The following COL25A1 variants were observed in gnomAD, a reference collection of about 807,000 sequenced individuals.
COL25A1 encodes the protein collagen type XXV alpha 1 chain.
A neutral mutation model predicts 128.4 loss-of-function variants in COL25A1; 103 were observed. The observed-to-expected ratio is 0.80, with a 90% CI of 0.68 to 0.94. COL25A1 has a LOEUF of 0.94. Ranked by LOEUF, COL25A1 falls within the 40% of genes least tolerant of loss-of-function variation. The pLI is 0.00. For synonymous variants in COL25A1, 279 were observed against 277.2 expected (o/e 1.01, Z -0.06); for missense variants, 745 against 840.0 (o/e 0.89, Z 1.40).
In COL25A1 at chr4:109,112,676, T is replaced by A. The variant is rs1767139983; in HGVS notation, c.368-62497A>T. Among the ~76,000 whole-genome samples, 4 of 152,016 alleles carry A rather than the reference T, an allele frequency of 2.6e-5. No individual in the cohort carries two copies. In the South Asian group the frequency reaches 8.3e-4, roughly 32 times the overall value. On this transcript the variant is annotated intron_variant, in intron 3 of 37. Coordinates refer to ENST00000399132, the MANE Select transcript of COL25A1 (RefSeq NM_198721.4). ...AAAAAAGAAAGAAAAATGATAGTAGTCCCAAAGAAAGTAAATTTTATGTTT... is the reference window on the plus strand; with the variant it reads ...AAAAAAGAAAGAAAAATGATAGTAGACCCAAAGAAAGTAAATTTTATGTTT...
Position 108,859,682 on chromosome 4 carries a change from T to G in COL25A1, c.1294A>C (p.Asn432His), listed in dbSNP as rs1297567526. 6.2e-7 allele frequency: 1 copy of G among 1,613,720 alleles called. No homozygotes were observed. The highest frequency in any genetic ancestry group is 1.3e-5 in the African/African-American group (1 of 74,890). Reference protein sequence around the residue: ...DQGATEIIDYNGNLHEALQRI... With the variant: ...DQGATEIIDYHGNLHEALQRI... ...TGTAAGGCTTCGTGGAGGTTGCCGT[T>G]GTAGTCTATGATCTCAGTGGCTCCT... is the stretch of plus-strand genomic sequence containing the variant. The change falls in exon 24 of 38, where the codon AAC becomes CAC. Residue 432 changes from asparagine (N) to histidine (H), a missense_variant. Physicochemically the swap from Asn to His is moderately conservative, Grantham distance 68 (BLOSUM62 1). Transcript: ENST00000399132.
At chr4:109,047,771 T>G (rs1360626894) in intron 5 of COL25A1, among the ~76,000 whole-genome samples, 3 of 143,180 alleles carry the variant, frequency 2.1e-5, no homozygotes, top group Non-Finnish European at 4.5e-5. Flanking sequence ...CTCGCTCTTT[T>G]GCCCAGACTG....
At chr4:108,845,075 G>A in intron 29 of COL25A1, 114 bp downstream of exon 29, 1 of 876,256 alleles carries the variant, frequency 1.1e-6, no homozygotes, top group Non-Finnish European at 1.9e-6. Context: ...AAACCAAGAG[G>A]TTTGAGGTCT....
intron 3 of COL25A1, among the ~76,000 whole-genome samples, chr4:109,201,929 A>C (rs1416980197): frequency 6.6e-6 from 1 of 152,206 alleles, no homozygotes; most frequent in Non-Finnish European, 1.5e-5. Context: ...AAATATGTAC[A>C]AAGTCTGCAT....
intron 3 of COL25A1, among the ~76,000 whole-genome samples, chr4:109,077,888 G>C (rs1763516735): frequency 6.6e-6 from 1 of 152,336 alleles, no homozygotes; most frequent in African/African-American, 2.4e-5. Flanking sequence ...TTGGGTGACA[G>C]AAATGTTCAC....
At chr4:108,933,611 A>G (rs959775785) in intron 11 of COL25A1, among the ~76,000 whole-genome samples, 1 of 152,300 alleles carries the variant, frequency 6.6e-6, no homozygotes, top group African/African-American at 2.4e-5. Context: ...ATGCCAAGTT[A>G]TATCACTAGA....
intron 3 of COL25A1, among the ~76,000 whole-genome samples, chr4:109,127,090 G>A (rs1407965591): frequency 6.6e-6 from 1 of 152,116 alleles, no homozygotes; most frequent in Admixed American, 6.6e-5. Context: ...CATGGCTCAA[G>A]GATGTTAGTT....
chr4:109,174,803 AG>A (rs973461907), intron 3 of COL25A1, among the ~76,000 whole-genome samples: 1 of 152,224 alleles, frequency 6.6e-6, no homozygotes, highest in African/African-American at 2.4e-5. Context: ...CTTATAGACT[AG>A]GGGTCCTCAA....
intron 3 of COL25A1, among the ~76,000 whole-genome samples, chr4:109,283,674 T>C (rs559226310): frequency 6.6e-6 from 1 of 152,250 alleles, no homozygotes; most frequent in Non-Finnish European, 1.5e-5. Flanking sequence ...TGTCTGACAT[T>C]TGAGTTTGCC....
intron 5 of COL25A1, among the ~76,000 whole-genome samples, chr4:109,021,238 C>T (rs1399181776): frequency 2.6e-5 from 4 of 152,188 alleles, no homozygotes; most frequent in African/African-American, 9.7e-5. Context: ...TGAGATGAAA[C>T]TCAAGATAAC....
At chr4:108,896,754 C>A in intron 15 of COL25A1, 43 bp from the exon 16 acceptor site, 3 of 1,520,668 alleles carry the variant, frequency 2.0e-6, no homozygotes, top group South Asian at 2.3e-5. Context: ...ACATTGGTGA[C>A]GTCAAGCAGA....
intron 31 of COL25A1, among the ~76,000 whole-genome samples, chr4:108,833,167 T>C (rs1393028096): frequency 2.0e-5 from 3 of 152,114 alleles, no homozygotes; most frequent in Non-Finnish European, 4.4e-5. Context: ...GTTACACAAG[T>C]AGAAGAAAAT....
intron 24 of COL25A1, among the ~76,000 whole-genome samples, chr4:108,857,946 TA>T (rs1736714442): frequency 6.6e-6 from 1 of 152,100 alleles, no homozygotes; most frequent in Admixed American, 6.6e-5. Context: ...CACTAATGTT[TA>T]AAAGGATTAA....
intron 8 of COL25A1, among the ~76,000 whole-genome samples, chr4:108,943,474 C>T (rs1000346819): frequency 6.6e-6 from 1 of 152,182 alleles, no homozygotes; most frequent in Non-Finnish European, 1.5e-5. Context: ...TCTCAGATCT[C>T]TCCTGTTTCA....
At chr4:108,878,251 A>G (rs1233852959) in intron 19 of COL25A1, among the ~76,000 whole-genome samples, 2 of 152,122 alleles carry the variant, frequency 1.3e-5, no homozygotes, top group East Asian at 1.9e-4. Flanking sequence ...CCTCTAAAAA[A>G]ACCTCTAGTA....
chr4:109,047,658 T>C (rs1214674827), intron 5 of COL25A1, among the ~76,000 whole-genome samples: 2 of 151,930 alleles, frequency 1.3e-5, no homozygotes, highest in Non-Finnish European at 2.9e-5. Flanking sequence ...TGGACATATA[T>C]TGCATTCTAA....
chr4:109,125,584 T>C (rs1459759317), intron 3 of COL25A1, among the ~76,000 whole-genome samples: 2 of 152,184 alleles, frequency 1.3e-5, no homozygotes, highest in Non-Finnish European at 2.9e-5. Flanking sequence ...TACAAAATTA[T>C]TCCTAAGGTT....
intron 8 of COL25A1, among the ~76,000 whole-genome samples, chr4:108,965,772 C>T (rs1000353620): frequency 4.6e-5 from 7 of 152,042 alleles, no homozygotes; most frequent in Non-Finnish European, 7.4e-5. Flanking sequence ...AGTCTTGAGA[C>T]TTTTACAGTT....
intron 8 of COL25A1, among the ~76,000 whole-genome samples, chr4:108,957,211 C>A (rs1044927986): frequency 1.1e-4 from 17 of 152,086 alleles, no homozygotes; most frequent in African/African-American, 3.4e-4. Context: ...GAATACAGAA[C>A]CAGGACGGTA....
Sources: allele counts gnomAD v4.1 joint callset (sites outside exome capture counted in the v4.1 genomes callset), GRCh38; gene constraint gnomAD v4.1.1; transcripts MANE v1.5; gene names NCBI Gene and HGNC (gene_info 2026-07-23, HGNC 2026-07-21).